The following KLHL13 variants were observed in gnomAD, a reference collection of about 807,000 sequenced individuals.
KLHL13 encodes the protein kelch like family member 13.
Under a neutral mutation model 37.1 loss-of-function variants are expected in KLHL13, and 10 were observed. That is an observed-to-expected ratio of 0.27 (90% CI 0.17 to 0.46). The LOEUF (loss-of-function observed/expected upper bound fraction) is 0.46, where lower values mean the gene tolerates loss of function less well. Ranked by LOEUF, KLHL13 falls within the 20% of genes least tolerant of loss-of-function variation. KLHL13 has a pLI of 1.00. For synonymous variants in KLHL13, 163 were observed against 181.2 expected (o/e 0.90, Z 0.81); for missense variants, 360 against 509.3 (o/e 0.71, Z 2.82).
chrX:118,008,195 C>T (rs775349186), intron 1 of KLHL13, among the ~76,000 whole-genome samples: 73 of 111,442 alleles, frequency 6.6e-4, no homozygotes, highest in African/African-American at 2.1e-3. Context: ...ATCTTTCTAA[C>T]GCTCACCTTG....
chrX:118,063,541 G>C (rs1477586427), intron 1 of KLHL13, among the ~76,000 whole-genome samples: 1 of 111,797 alleles, frequency 8.9e-6, no homozygotes, highest in African/African-American at 3.2e-5. Flanking sequence ...CAGAAATGCT[G>C]AGAGCAGTTT....
At chrX:118,092,805 G>A (rs2055152691) in intron 1 of KLHL13, among the ~76,000 whole-genome samples, 1 of 111,422 alleles carries the variant, frequency 9.0e-6, no homozygotes, top group Admixed American at 9.6e-5. Context: ...TCAATTTCTG[G>A]GCTATGAAAA....
chrX:117,978,113 G>T (rs1422315028), upstream of KLHL13, among the ~76,000 whole-genome samples: 3 of 112,204 alleles, frequency 2.7e-5, no homozygotes, highest in African/African-American at 9.7e-5. Context: ...TTCTTTAACA[G>T]AACTGTGTGA....
At chrX:118,053,806 A>T (rs1402464025) in intron 1 of KLHL13, among the ~76,000 whole-genome samples, 1 of 56,854 alleles carries the variant, frequency 1.8e-5, no homozygotes, top group African/African-American at 7.5e-5. Flanking sequence ...TGTGAGAGAG[A>T]GAGAGAGAGA....
chrX:118,115,261 T>C (rs991955144), intron 1 of KLHL13, among the ~76,000 whole-genome samples: 2 of 112,860 alleles, frequency 1.8e-5, no homozygotes, highest in African/African-American at 6.4e-5. Context: ...GCTTGTTCAC[T>C]GGTATTTGCC....
chrX:117,938,939 G>A (rs1288283552), intron 2 of KLHL13, among the ~76,000 whole-genome samples: 1 of 109,990 alleles, frequency 9.1e-6, no homozygotes, highest in East Asian at 2.9e-4. Context: ...GAGGATTAGA[G>A]GGATTTATTT....
intron 1 of KLHL13, among the ~76,000 whole-genome samples, chrX:117,994,009 T>G (rs781731631): frequency 9.0e-6 from 1 of 111,249 alleles, no homozygotes; most frequent in East Asian, 2.9e-4. Flanking sequence ...GTGCTGGGAT[T>G]ACAGGCGTGA....
intron 2 of KLHL13, among the ~76,000 whole-genome samples, chrX:117,939,636 C>T (rs1269423490): frequency 4.5e-5 from 5 of 112,219 alleles, no homozygotes; most frequent in Middle Eastern, 4.7e-3. Flanking sequence ...ACCATTCTAA[C>T]TGGCATGAGA....
At chrX:117,908,972 T>C (rs1283400756) in intron 5 of KLHL13, among the ~76,000 whole-genome samples, 3 of 111,834 alleles carry the variant, frequency 2.7e-5, no homozygotes, top group African/African-American at 9.8e-5. Context: ...TGAGAAAACA[T>C]GCCAAACTTC....
chrX:117,973,520 T>C, exon 1 of KLHL13: 1 of 905,253 alleles, frequency 1.1e-6, no homozygotes, highest in Non-Finnish European at 1.4e-6. Flanking sequence ...CCAGTCCCTC[T>C]GCTTTCCAGC....
rs746412777 is a variant in KLHL13, at chrX:117,915,258, G to A, written c.570+4263C>T. Among the ~76,000 whole-genome samples the A allele has an allele frequency of 8.9e-5, 10 of 112,250 alleles. No homozygotes were observed. The South Asian group carries it at 3.7e-3, about 42-fold the overall frequency. ...ATATGTACTATGCAGGAAATCCTCA[G>A]TAATTTAGTAACAGAGGCAAAGCAA... On this transcript the variant is annotated intron_variant, in intron 4 of 6. Coordinates refer to ENST00000262820, the Ensembl canonical transcript of KLHL13.
chrX:117,937,671 T>C (rs1370860684), intron 2 of KLHL13, among the ~76,000 whole-genome samples: 1 of 112,000 alleles, frequency 8.9e-6, no homozygotes, highest in East Asian at 2.8e-4. Context: ...ACATATTGTA[T>C]AATTTTTCTA....
intron 1 of KLHL13, among the ~76,000 whole-genome samples, chrX:117,982,931 G>C (rs1389058899): frequency 8.9e-6 from 1 of 112,003 alleles, no homozygotes; most frequent in Non-Finnish European, 1.9e-5. Context: ...TTCTAGGTCT[G>C]GGAGAGTCTG....
At chrX:118,070,825 G>A (rs1390176851) in intron 1 of KLHL13, among the ~76,000 whole-genome samples, 7 of 108,721 alleles carry the variant, frequency 6.4e-5, no homozygotes, top group African/African-American at 2.4e-4. Context: ...TTACATATGT[G>A]TACATGTGAC....
intron 1 of KLHL13, among the ~76,000 whole-genome samples, chrX:118,074,369 G>A (rs998282451): frequency 5.4e-5 from 6 of 111,796 alleles, no homozygotes; most frequent in Non-Finnish European, 1.9e-5. Flanking sequence ...TTCACCTAGT[G>A]TAATAAATTT....
intron 1 of KLHL13, among the ~76,000 whole-genome samples, chrX:118,004,300 C>T (rs896555266): frequency 9.0e-6 from 1 of 111,411 alleles, no homozygotes; most frequent in South Asian, 3.7e-4. Flanking sequence ...ACAAATATTT[C>T]CTAGCTCTCT....
At chrX:118,066,610 C>T (rs2054796580) in intron 1 of KLHL13, among the ~76,000 whole-genome samples, 2 of 111,203 alleles carry the variant, frequency 1.8e-5, no homozygotes, top group Admixed American at 1.9e-4. Context: ...CTATGAAAAA[C>T]ATGATCTACG....
chrX:117,982,222 G>T (rs1294738223), intron 1 of KLHL13, among the ~76,000 whole-genome samples: 1 of 109,778 alleles, frequency 9.1e-6, no homozygotes, highest in Non-Finnish European at 1.9e-5. Flanking sequence ...CCAGAACCCT[G>T]AATAGCCTAG....
At chrX:118,031,869 G>C (rs1413064545) in intron 1 of KLHL13, among the ~76,000 whole-genome samples, 2 of 108,573 alleles carry the variant, frequency 1.8e-5, no homozygotes, top group Non-Finnish European at 3.8e-5. Flanking sequence ...AGTGGGTGCA[G>C]GCCAGTGGCT....
Sources: gnomAD v4.1 joint callset for allele counts (sites outside exome capture counted in the v4.1 genomes callset) on GRCh38, gnomAD v4.1.1 for gene constraint, MANE v1.5 for transcripts, NCBI Gene and HGNC (gene_info 2026-07-23, HGNC 2026-07-21) for gene names.